The following MSI2 variants were observed in gnomAD, a reference collection of about 807,000 sequenced individuals.
MSI2 encodes musashi RNA binding protein 2.
MSI2 carries 17 observed loss-of-function variants against 45.6 expected under a neutral mutation model. The observed-to-expected ratio is 0.37, with a 90% confidence interval of 0.26 to 0.56. The LOEUF (loss-of-function observed/expected upper bound fraction) is 0.56, where lower values mean the gene tolerates loss of function less well. Among genes scored for constraint, MSI2 ranks in the 20% least tolerant of loss-of-function variants. The pLI is 0.77. For synonymous variants in MSI2, 156 were observed against 158.2 expected (o/e 0.99, Z 0.11); for missense variants, 293 against 444.2 (o/e 0.66, Z 3.06).
intron 8 of MSI2, among the ~76,000 whole-genome samples, chr17:57,615,725 G>T (rs936571836): frequency 1.3e-5 from 2 of 152,214 alleles, no homozygotes; most frequent in Admixed American, 1.3e-4. Context: ...TATATCTGCA[G>T]CTTACGTCCT....
At chr17:57,564,225 G>A (rs1237903654) in intron 7 of MSI2, among the ~76,000 whole-genome samples, 3 of 152,224 alleles carry the variant, frequency 2.0e-5, no homozygotes, top group Non-Finnish European at 2.9e-5. Context: ...GAATTGCCCA[G>A]GAGCTAACAT....
intron 6 of MSI2, among the ~76,000 whole-genome samples, chr17:57,460,976 T>C (rs908728726): frequency 1.1e-4 from 16 of 152,212 alleles, no homozygotes; most frequent in African/African-American, 2.9e-4. Flanking sequence ...GAATCCCTCC[T>C]TGCAGAGGCT....
chr17:57,415,322 C>T (rs1305843418), intron 6 of MSI2, among the ~76,000 whole-genome samples: 1 of 151,912 alleles, frequency 6.6e-6, no homozygotes, highest in Non-Finnish European at 1.5e-5. Flanking sequence ...ATTTTTGCCT[C>T]TCGAATGAAC....
At chr17:57,392,527 C>T (rs533886089) in intron 5 of MSI2, among the ~76,000 whole-genome samples, 2 of 152,210 alleles carry the variant, frequency 1.3e-5, no homozygotes, top group East Asian at 1.9e-4. Context: ...TATTTTTTTC[C>T]TTCCAATTTT....
In MSI2 at chr17:57,652,915, C is replaced by T. The variant is rs1911280888; in HGVS notation, c.790+754C>T. On this transcript the variant is annotated intron_variant, in intron 11 of 13. Coordinates refer to ENST00000284073, the MANE Select transcript of MSI2 (RefSeq NM_138962.4). This position sits in a 1 kb window ranked among gnomAD's most constrained non-coding sequence, Gnocchi z 4.1. ...CCGGGGTCCCTTTTGTCCCTCTCCC[C>T]AGAATGCTTTCTGCCTTCCCAGGCA... is the stretch of plus-strand genomic sequence containing the variant. Among the ~76,000 whole-genome samples the T allele has an allele frequency of 6.6e-6, 1 of 152,210 alleles. No homozygotes were observed.
intron 6 of MSI2, 85 bp downstream of exon 6, chr17:57,401,556 C>A: frequency 9.8e-7 from 1 of 1,017,198 alleles, no homozygotes; most frequent in Non-Finnish European, 1.5e-6. Flanking sequence ...CCCGCCCCTG[C>A]TACAGCTGTG....
chr17:57,622,228 C>G (rs1183728097), intron 9 of MSI2, among the ~76,000 whole-genome samples: 2 of 125,720 alleles, frequency 1.6e-5, no homozygotes, highest in Non-Finnish European at 1.7e-5. Context: ...CAGAAATGGT[C>G]TCGTGCAGCC....
At chr17:57,582,412 T>C (rs1045178824) in intron 7 of MSI2, among the ~76,000 whole-genome samples, 7 of 152,170 alleles carry the variant, frequency 4.6e-5, no homozygotes, top group African/African-American at 1.7e-4. Flanking sequence ...TTAAGAATTT[T>C]ATTTATTAAT....
intron 5 of MSI2, among the ~76,000 whole-genome samples, chr17:57,290,193 C>T (rs1319730329): frequency 6.6e-6 from 1 of 152,196 alleles, no homozygotes; most frequent in Non-Finnish European, 1.5e-5. Flanking sequence ...ATAGTACCTA[C>T]TCTGGGGTCA....
intron 5 of MSI2, among the ~76,000 whole-genome samples, chr17:57,390,701 C>A (rs138569609): frequency 6.6e-6 from 1 of 152,178 alleles, no homozygotes; most frequent in Non-Finnish European, 1.5e-5. Flanking sequence ...TTTATACACT[C>A]GCTCCTAAGA....
At chr17:57,352,710 G>A (rs949005702) in intron 5 of MSI2, among the ~76,000 whole-genome samples, 1 of 152,214 alleles carries the variant, frequency 6.6e-6, no homozygotes, top group Admixed American at 6.5e-5. Context: ...ACCTAGACAG[G>A]GTTTGTGGTC....
intron 13 of MSI2, among the ~76,000 whole-genome samples, chr17:57,677,791 G>A (rs760821841): frequency 5.3e-5 from 8 of 152,298 alleles, no homozygotes; most frequent in South Asian, 2.1e-4. Context: ...GGGGGAGGAC[G>A]GAAGAGAGGA....
chr17:57,479,619 G>C (rs946556412), intron 6 of MSI2, among the ~76,000 whole-genome samples: 1 of 152,186 alleles, frequency 6.6e-6, no homozygotes, highest in Non-Finnish European at 1.5e-5. Context: ...TAGAAATTCT[G>C]GTTCTCAAGT....
chr17:57,270,437 A>G (rs775994423), intron 5 of MSI2, among the ~76,000 whole-genome samples: 2 of 152,184 alleles, frequency 1.3e-5, no homozygotes, highest in Non-Finnish European at 2.9e-5. Context: ...GAGTGGGCAG[A>G]GTTGAGGTTG....
chr17:57,651,518 T>C (rs991093901), intron 10 of MSI2, among the ~76,000 whole-genome samples: 2 of 152,240 alleles, frequency 1.3e-5, no homozygotes, highest in Admixed American at 6.5e-5. Context: ...CCCTCGGGCC[T>C]GGGGCTGTGA....
At chr17:57,553,123 T>C (rs1459386539) in intron 7 of MSI2, among the ~76,000 whole-genome samples, 1 of 152,010 alleles carries the variant, frequency 6.6e-6, no homozygotes. Context: ...ATGCAGCCTT[T>C]GGTTGTCCAT....
intron 5 of MSI2, among the ~76,000 whole-genome samples, chr17:57,383,521 C>T (rs1430070047): frequency 6.6e-6 from 1 of 152,112 alleles, no homozygotes; most frequent in African/African-American, 2.4e-5. Context: ...ATTAGTGAGG[C>T]ATGGCAGTGC....
At chr17:57,496,924 G>C (rs573473994) in intron 6 of MSI2, among the ~76,000 whole-genome samples, 1 of 152,276 alleles carries the variant, frequency 6.6e-6, no homozygotes, top group East Asian at 1.9e-4. Context: ...TCACCTTACT[G>C]TTAACCAAGA....
intron 6 of MSI2, among the ~76,000 whole-genome samples, chr17:57,504,419 G>A (rs1046836514): frequency 1.3e-5 from 2 of 152,204 alleles, no homozygotes; most frequent in African/African-American, 4.8e-5. Context: ...TTGACTGGGG[G>A]TGTGCGTCCG....
Sources: allele counts gnomAD v4.1 joint callset (sites outside exome capture counted in the v4.1 genomes callset), GRCh38; gene constraint gnomAD v4.1.1; non-coding constraint Gnocchi (gnomAD v3.1); transcripts MANE v1.5; gene names NCBI Gene and HGNC (gene_info 2026-07-23, HGNC 2026-07-21).